The following PRKCI variants were observed in gnomAD, a reference collection of about 807,000 sequenced individuals.
PRKCI encodes the protein protein kinase C iota type.
A neutral mutation model predicts 84.0 loss-of-function variants in PRKCI; 43 were observed. The observed-to-expected ratio is 0.51, with a 90% confidence interval of 0.40 to 0.66. The LOEUF (loss-of-function observed/expected upper bound fraction) is 0.66. Ranked by LOEUF, PRKCI falls within the 30% of genes least tolerant of loss-of-function variation. The probability of loss-of-function intolerance (pLI) is 0.00; values close to 1 mark genes in which losing one functional copy is unlikely to be tolerated. For synonymous variants in PRKCI, 216 were observed against 234.4 expected (o/e 0.92, Z 0.72); for missense variants, 459 against 745.6 (o/e 0.62, Z 4.48).
At chr3:170,287,630 G>A (rs957902212) in intron 12 of PRKCI, among the ~76,000 whole-genome samples, 5 of 151,618 alleles carry the variant, frequency 3.3e-5, no homozygotes, top group African/African-American at 1.2e-4. Flanking sequence ...ATCAAAATGG[G>A]CAGGGTGTGA....
At chr3:170,225,700 A>G (rs1332127654) in intron 1 of PRKCI, among the ~76,000 whole-genome samples, 1 of 151,516 alleles carries the variant, frequency 6.6e-6, no homozygotes, top group African/African-American at 2.4e-5. Flanking sequence ...GAGCCACTGT[A>G]CCTGGCTCCA....
At chr3:170,271,106 T>C (rs946288709) in intron 6 of PRKCI, among the ~76,000 whole-genome samples, 1 of 152,188 alleles carries the variant, frequency 6.6e-6, no homozygotes, top group Non-Finnish European at 1.5e-5. Flanking sequence ...TTCTACCATG[T>C]AAAGGTAATT....
At chr3:170,257,732 T>G (rs941849256) in intron 2 of PRKCI, among the ~76,000 whole-genome samples, 2 of 150,870 alleles carry the variant, frequency 1.3e-5, no homozygotes, top group African/African-American at 4.9e-5. Context: ...TGGTGTGATC[T>G]CGGTTCGCTG....
chr3:170,299,962 A>G (rs2108868715), intron 17 of PRKCI, among the ~76,000 whole-genome samples: 1 of 152,328 alleles, frequency 6.6e-6, no homozygotes, highest in Non-Finnish European at 1.5e-5. Context: ...AAATCCAGCC[A>G]TCAGTGATCT....
At chr3:170,235,961 T>A (rs1334033797) in intron 2 of PRKCI, among the ~76,000 whole-genome samples, 2 of 151,924 alleles carry the variant, frequency 1.3e-5, no homozygotes, top group Admixed American at 6.6e-5. Flanking sequence ...TTTTTTTTTT[T>A]ATTTTTTAAA....
intron 16 of PRKCI, 103 bp downstream of exon 16, chr3:170,297,496 C>T (rs559787031): frequency 5.2e-6 from 5 of 953,290 alleles, no homozygotes; most frequent in South Asian, 2.9e-5. Context: ...GCTCTGTCAC[C>T]GAGGCTGGAG....
chr3:170,282,872 C>G (rs138844436), intron 11 of PRKCI, among the ~76,000 whole-genome samples: 1 of 150,898 alleles, frequency 6.6e-6, no homozygotes, highest in African/African-American at 2.4e-5. Flanking sequence ...TTTGGGAGGC[C>G]GAGGCGGGTG....
At chr3:170,247,730 CAAAAAAAA>C (rs72411481) in intron 2 of PRKCI, among the ~76,000 whole-genome samples, 24 of 27,894 alleles carry the variant, frequency 8.6e-4, no homozygotes, top group African/African-American at 3.2e-3. Context: ...AACTCTGTCT[CAAAAAAAA>C]AAAAAAAAAA....
chr3:170,252,185 GC>G (rs1476489668), intron 2 of PRKCI, among the ~76,000 whole-genome samples: 1 of 151,120 alleles, frequency 6.6e-6, no homozygotes, highest in African/African-American at 2.4e-5. Context: ...CTGCCCTCCA[GC>G]CTGGGTGACA....
intron 4 of PRKCI, 46 bp downstream of exon 4, chr3:170,263,475 A>G (rs990063245): frequency 2.7e-6 from 4 of 1,471,140 alleles, no homozygotes; most frequent in South Asian, 1.2e-5. Flanking sequence ...TTACTATGCT[A>G]TGGTACAAGT....
At chr3:170,301,771 C>T (rs186250507) in intron 17 of PRKCI, among the ~76,000 whole-genome samples, 151 of 152,318 alleles carry the variant, frequency 9.9e-4, no homozygotes, top group African/African-American at 3.5e-3. Flanking sequence ...TACTCCTTCA[C>T]TTTGCAACCT....
intron 2 of PRKCI, among the ~76,000 whole-genome samples, chr3:170,245,949 G>GTTTTTTTTGTTTGTTTGTTTTTTTTT (rs769121904): frequency 1.2e-5 from 1 of 82,464 alleles, no homozygotes; most frequent in Non-Finnish European, 2.4e-5. Flanking sequence ...TTATGTCTTT[G>GTTTTTTTTGTTTGTTTGTTTTTTTTT]TTTTTTTTTT....
chr3:170,222,705 C>A lies in PRKCI; in HGVS notation c.36C>A (p.His12Gln). 6.2e-7 allele frequency: 1 copy of A among 1,609,920 alleles called. No homozygotes were observed. The highest frequency in any genetic ancestry group is 8.5e-7 in the Non-Finnish European group (1 of 1,178,838). ...PTQRDSSTMS[H>Q]TVAGGGSGDH... Reference sequence around the variant, plus strand: ...AGAGGGACAGCAGCACCATGTCCCACACGGTCGCAGGCGGCGGCAGCGGGG... The same window carrying A: ...AGAGGGACAGCAGCACCATGTCCCAAACGGTCGCAGGCGGCGGCAGCGGGG... Residue 12 changes from histidine to glutamine, a missense_variant, in exon 1 of 18, where the codon CAC (histidine) becomes CAA (glutamine). His to Gln is a conservative substitution (Grantham distance 24). This residue lies in a region of PRKCI where 250 missense variants were observed against 319.7 expected (regional missense o/e 0.78). Transcript: ENST00000295797.
At chr3:170,282,328 T>C (rs1352430872) in intron 11 of PRKCI, among the ~76,000 whole-genome samples, 1 of 152,146 alleles carries the variant, frequency 6.6e-6, no homozygotes, top group Non-Finnish European at 1.5e-5. Context: ...CTTATTAGTC[T>C]TTTCAGGTTT....
intron 16 of PRKCI, among the ~76,000 whole-genome samples, chr3:170,297,640 T>TGG (rs369204401): frequency 7.4e-5 from 11 of 147,914 alleles, no homozygotes; most frequent in African/African-American, 2.8e-4. Flanking sequence ...TTAGTAGAGA[T>TGG]GGGGGGGGTT....
chr3:170,250,261 A>G (rs1733406557), intron 2 of PRKCI, among the ~76,000 whole-genome samples: 1 of 145,480 alleles, frequency 6.9e-6, no homozygotes, highest in Non-Finnish European at 1.5e-5. Flanking sequence ...TGACAGAGTG[A>G]GACTTGGTCT....
chr3:170,226,370 A>C (rs958822796), intron 1 of PRKCI, among the ~76,000 whole-genome samples: 1 of 152,194 alleles, frequency 6.6e-6, no homozygotes, highest in African/African-American at 2.4e-5. Context: ...ACCTAGTGCT[A>C]GTAGTTTGGA....
chr3:170,262,146 A>G (rs1224839714), intron 3 of PRKCI, among the ~76,000 whole-genome samples: 1 of 152,224 alleles, frequency 6.6e-6, no homozygotes, highest in Admixed American at 6.5e-5. Flanking sequence ...GTTGCTTTAT[A>G]TTCTACCTTG....
At chr3:170,280,163 T>C (rs1344921901) in intron 8 of PRKCI, 64 bp from the exon 9 acceptor site, 1 of 1,364,750 alleles carries the variant, frequency 7.3e-7, no homozygotes, top group African/African-American at 1.5e-5. Flanking sequence ...AACTAGGTGT[T>C]AGAAATATAA....
Sources: allele counts gnomAD v4.1 joint callset (sites outside exome capture counted in the v4.1 genomes callset), GRCh38; gene constraint gnomAD v4.1.1; regional missense constraint gnomAD v4.1.1; transcripts MANE v1.5; gene names NCBI Gene and HGNC (gene_info 2026-07-23, HGNC 2026-07-21).